The following PUM2 variants were observed in gnomAD, a reference collection of about 807,000 sequenced individuals.
PUM2 encodes pumilio homolog 2.
A neutral mutation model predicts 124.5 loss-of-function variants in PUM2; 57 were observed. That is an observed-to-expected ratio of 0.46 (90% CI 0.37 to 0.57). The LOEUF (loss-of-function observed/expected upper bound fraction) is 0.57, where lower values mean the gene tolerates loss of function less well. Ranked by LOEUF, PUM2 falls within the 20% of genes least tolerant of loss-of-function variation. PUM2 has a pLI of 0.00. For synonymous variants in PUM2, 460 were observed against 446.1 expected, an observed-to-expected ratio of 1.03 and a Z score of -0.39; for missense variants, 1,065 against 1,290.6, an observed-to-expected ratio of 0.83 and a Z score of 2.68.
At chr2:20,331,817 G>A (rs1265298442) in intron 1 of PUM2, 2 of 152,074 alleles carry the variant, frequency 1.3e-5, no homozygotes, top group Non-Finnish European at 2.9e-5. Context: ...TTAGCTCTTT[G>A]AATCCATTCT....
chr2:20,267,303 G>C (rs1400903298), intron 13 of PUM2, among the ~76,000 whole-genome samples: 1 of 152,138 alleles, frequency 6.6e-6, no homozygotes, highest in Non-Finnish European at 1.5e-5. Flanking sequence ...TGAGATTACA[G>C]AGGTGAGCCA....
intron 1 of PUM2, among the ~76,000 whole-genome samples, chr2:20,342,810 C>T (rs1687483164): frequency 6.6e-6 from 1 of 152,108 alleles, no homozygotes; most frequent in African/African-American, 2.4e-5. Context: ...AATTGGTTAA[C>T]TTTAAAGTGA....
At chr2:20,287,666 T>C (rs557796031) in intron 10 of PUM2, among the ~76,000 whole-genome samples, 3 of 152,160 alleles carry the variant, frequency 2.0e-5, no homozygotes, top group East Asian at 1.9e-4. Flanking sequence ...GGCAGGAAAA[T>C]TGCTTGAGGC....
At chr2:20,299,606 T>C (rs1026505033) in intron 7 of PUM2, among the ~76,000 whole-genome samples, 1 of 152,118 alleles carries the variant, frequency 6.6e-6, no homozygotes, top group African/African-American at 2.4e-5. Context: ...AGGTGGAGGT[T>C]GCAGTGAGCC....
At chr2:20,314,117 G>T (rs1275618607) in intron 3 of PUM2, among the ~76,000 whole-genome samples, 1 of 152,086 alleles carries the variant, frequency 6.6e-6, no homozygotes, top group Non-Finnish European at 1.5e-5. Flanking sequence ...CTGCACTCCA[G>T]CCTGGGTGAC....
At chr2:20,268,904 T>C (rs1221874410) in intron 13 of PUM2, among the ~76,000 whole-genome samples, 1 of 152,136 alleles carries the variant, frequency 6.6e-6, no homozygotes, top group Non-Finnish European at 1.5e-5. Context: ...TTATGATACA[T>C]CATTTGTAAC....
chr2:20,267,578 A>C (rs916857130), intron 13 of PUM2, among the ~76,000 whole-genome samples: 6 of 152,214 alleles, frequency 3.9e-5, no homozygotes, highest in Non-Finnish European at 8.8e-5. Flanking sequence ...CTGCACCAAA[A>C]GTATTAAAAG....
chr2:20,267,105 C>T (rs1667846957), intron 13 of PUM2, among the ~76,000 whole-genome samples: 1 of 151,504 alleles, frequency 6.6e-6, no homozygotes, highest in South Asian at 2.1e-4. Flanking sequence ...TCACTGCAAT[C>T]TCCCCTTCCT....
chr2:20,329,703 G>A (rs565034578), intron 1 of PUM2, among the ~76,000 whole-genome samples: 5 of 152,184 alleles, frequency 3.3e-5, no homozygotes, highest in South Asian at 2.1e-4. Context: ...GGGTTACAGC[G>A]GGCCATTTCT....
intron 13 of PUM2, among the ~76,000 whole-genome samples, chr2:20,278,042 T>A (rs994991712): frequency 6.6e-6 from 1 of 152,004 alleles, no homozygotes; most frequent in Non-Finnish European, 1.5e-5. Context: ...GCCTAAAACA[T>A]TTTTTTTCTT....
chr2:20,334,782 A>G lies in PUM2; in HGVS notation c.-18-7404T>C, dbSNP rs62124596. 4.6e-3 allele frequency among the ~76,000 whole-genome samples: 695 copies of G among 152,324 alleles called. 2 individuals carry two copies. Among genetic ancestry groups the G allele is most frequent in the Middle Eastern group, 0.02 (6 of 294 alleles). On this transcript the variant is annotated intron_variant, in intron 1 of 20. Coordinates refer to ENST00000361078, the MANE Select transcript of PUM2 (RefSeq NM_015317.5). ...CTAATGATTGCAACTTCACACAGGCACTACTTCTCCAAGTCTGTCATCTAC... is the reference window on the plus strand; with the variant it reads ...CTAATGATTGCAACTTCACACAGGCGCTACTTCTCCAAGTCTGTCATCTAC...
At chr2:20,303,699 AG>A (rs1371238988) in intron 7 of PUM2, among the ~76,000 whole-genome samples, 1 of 152,160 alleles carries the variant, frequency 6.6e-6, no homozygotes, top group Non-Finnish European at 1.5e-5. Context: ...TGATTACCAT[AG>A]GGAATTTCAG....
chr2:20,312,196 TCAAG>T (rs1479751822), intron 4 of PUM2, 36 bp downstream of exon 4: 4 of 1,505,196 alleles, frequency 2.7e-6, no homozygotes, highest in Non-Finnish European at 2.7e-6. Flanking sequence ...CAAATAACTC[TCAAG>T]CAAATATTAA....
intron 2 of PUM2, among the ~76,000 whole-genome samples, chr2:20,323,965 A>G (rs1683056821): frequency 6.6e-6 from 1 of 150,922 alleles, no homozygotes; most frequent in South Asian, 2.1e-4. Flanking sequence ...CACTGGGAAT[A>G]AGGAAAAAAT....
chr2:20,341,007 T>C (rs1223014070), intron 1 of PUM2, among the ~76,000 whole-genome samples: 1 of 152,228 alleles, frequency 6.6e-6, no homozygotes, highest in African/African-American at 2.4e-5. Flanking sequence ...TTTTGTTTAT[T>C]TGTTTAAAAA....
rs763171715 is a variant in PUM2 at position 20,308,538 on chromosome 2, G to A, written c.565C>T (p.Arg189Cys). The A allele has an allele frequency of 9.9e-6, 16 of 1,613,722 alleles. No homozygotes were observed. The highest frequency in any genetic ancestry group is 4.0e-5 in the African/African-American group (3 of 74,902). The change falls in exon 6 of 21, where the codon CGC becomes TGC. Residue 189 changes from arginine (R) to cysteine (C), a missense_variant. By Grantham distance (180) the Arg-to-Cys change is radical. Coordinates refer to ENST00000361078, the MANE Select transcript of PUM2 (RefSeq NM_015317.5). ...GAGGGATTAGTATTGGGGCCCAAGC[G>A]CTCAACTACTTCAGTTGGAGAGGCT... ...RQASPTEVVE[R>C]LGPNTNPSEG...
intron 5 of PUM2, 92 bp downstream of exon 5, chr2:20,311,402 A>G: frequency 7.4e-7 from 1 of 1,344,668 alleles, no homozygotes. Context: ...AAATAAACCT[A>G]AATGATGAAA....
chr2:20,268,641 A>AATATATATATATATAT (rs72044779), intron 13 of PUM2, among the ~76,000 whole-genome samples: 6 of 150,242 alleles, frequency 4.0e-5, no homozygotes, highest in African/African-American at 1.5e-4. Context: ...AAACAAACAA[A>AATATATATATATATAT]ATATATATAT....
At chr2:20,304,642 A>G (rs1031260489) in intron 7 of PUM2, among the ~76,000 whole-genome samples, 1 of 152,236 alleles carries the variant, frequency 6.6e-6, no homozygotes, top group African/African-American at 2.4e-5. Context: ...TTTGTACAGA[A>G]GACATTTGTC....
Sources: allele counts gnomAD v4.1 joint callset (sites outside exome capture counted in the v4.1 genomes callset), GRCh38; gene constraint gnomAD v4.1.1; transcripts MANE v1.5; gene names NCBI Gene and HGNC (gene_info 2026-07-23, HGNC 2026-07-21).